Variants in BNIP3L observed in about 807,000 individuals in gnomAD.
BNIP3L encodes the protein BCL2 interacting protein 3 like.
In BNIP3L, 10 loss-of-function variants were observed where a neutral mutation model predicts 25.5. The ratio of observed to expected loss-of-function variants is 0.39; its 90% CI spans 0.24 to 0.67. The LOEUF is 0.67. Ranked by LOEUF, BNIP3L falls within the 30% of genes least tolerant of loss-of-function variation. BNIP3L has a pLI of 0.45. For synonymous variants in BNIP3L, 113 were observed against 101.2 expected, an observed-to-expected ratio of 1.12 and a Z score of -0.70; for missense variants, 215 against 270.9, an observed-to-expected ratio of 0.79 and a Z score of 1.45.
chr8:26,406,716 GGAGGTTGA>G (rs1806506894), intron 3 of BNIP3L, among the ~76,000 whole-genome samples: 1 of 151,898 alleles, frequency 6.6e-6, no homozygotes, highest in Non-Finnish European at 1.5e-5. Flanking sequence ...CAGCTACTTG[GGAGGTTGA>G]GGTGGGAGAA....
chr8:26,390,409 G>A (rs1237022842), intron 1 of BNIP3L: 17 of 985,250 alleles, frequency 1.7e-5, no homozygotes, highest in Non-Finnish European at 1.8e-5. Flanking sequence ...TTTCGTGTTT[G>A]CCTGTAGCTG....
At position 26,395,295 on chromosome 8, in the gene BNIP3L, G is replaced by A; in HGVS notation, c.350G>A (p.Ser117Asn). 6.2e-7 allele frequency: 1 copy of A among 1,613,934 alleles called. No homozygotes were observed. The highest frequency in any genetic ancestry group is 2.2e-5 in the East Asian group (1 of 44,872). ...DVEMHTSRDH[S>N]SQSEEEVVEG... ...GAAATGCACACCAGCAGGGACCATA[G>A]CTCTCAGGTGTGTCGGGGGGATTCT... The change falls in exon 3 of 6, where the codon AGC becomes AAC. Residue 117 changes from serine (S) to asparagine (N), a missense_variant. Transcript: ENST00000380629.
Position 26,408,263 on chromosome 8 carries a change from T to C in BNIP3L, c.498T>C (p.Ser166=), listed in dbSNP as rs1806543706. 6.2e-7 allele frequency: 1 copy of C among 1,614,220 alleles called. No homozygotes were observed. Among genetic ancestry groups the C allele is most frequent in the African/African-American group, 1.3e-5 (1 of 75,066 alleles). ...FHFRHPKRSV[S]LSMRKSGAMK... is the part of the protein sequence containing the mutation. ...TCAGACACCCTAAACGTTCTGTGTC[T>C]TTAAGCATGAGGAAAAGTGGAGCCA... Residue 166 remains serine, a synonymous_variant, in exon 5 of 6, where the codon TCT becomes TCC. Transcript: ENST00000380629.
chr8:26,393,960 G>A (rs1216739217), intron 2 of BNIP3L, among the ~76,000 whole-genome samples: 1 of 152,132 alleles, frequency 6.6e-6, no homozygotes, highest in Admixed American at 6.5e-5. Context: ...TTATTTCTGA[G>A]TCAGTCTCAC....
intron 1 of BNIP3L, among the ~76,000 whole-genome samples, chr8:26,386,359 G>A (rs1805991783): frequency 6.6e-6 from 1 of 152,192 alleles, no homozygotes; most frequent in African/African-American, 2.4e-5. Flanking sequence ...AATCAAAGTA[G>A]TAGTGTAAAT....
intron 5 of BNIP3L, 101 bp downstream of exon 5, chr8:26,408,477 C>A: frequency 3.6e-6 from 5 of 1,370,468 alleles, no homozygotes; most frequent in Non-Finnish European, 4.0e-6. Context: ...GCTTTACTTT[C>A]AATGTTTTAG....
chr8:26,403,432 T>C lies in BNIP3L; in HGVS notation c.358-4568T>C, dbSNP rs116947762. Reference sequence around the variant, plus strand: ...TGTACTTGATCTTATAGAATGTTTTTATATGTGTTTATAAGGACTATATAT... The same window carrying C: ...TGTACTTGATCTTATAGAATGTTTTCATATGTGTTTATAAGGACTATATAT... On this transcript the variant is annotated intron_variant, in intron 3 of 5. Coordinates refer to ENST00000380629, the MANE Select transcript of BNIP3L (RefSeq NM_004331.3). Among the ~76,000 whole-genome samples the C allele has an allele frequency of 8.2e-3, 1,244 of 152,324 alleles. 10 individuals are homozygous for C. The highest frequency in any genetic ancestry group is 0.013 in the Non-Finnish European group (873 of 68,032).
rs1563343989 is a variant in BNIP3L at position 26,408,888 on chromosome 8, A to T, written c.611+512A>T. ...CTCCATCTCGGAAAAAAAAAAAAAA[A>T]AAAGAAGATGTTCATAATAATCCCC... On this transcript the variant is annotated intron_variant, in intron 5 of 5. Transcript: ENST00000380629. 2.2e-5 allele frequency among the ~76,000 whole-genome samples: 3 copies of T among 134,454 alleles called. No individual in the cohort carries two copies. The Admixed American group carries it at 2.3e-4, about 10-fold the overall frequency. 88.2% of individuals were successfully genotyped at this position (134,454 alleles called of 152,430 possible).
intron 3 of BNIP3L, among the ~76,000 whole-genome samples, chr8:26,401,607 TAAAA>T (rs1343657865): frequency 1.3e-5 from 1 of 78,036 alleles, no homozygotes; most frequent in Non-Finnish European, 2.8e-5. Flanking sequence ...AGGTACAAAA[TAAAA>T]AAAAAAAAAA....
chr8:26,390,882 C>T (rs1806092343), intron 1 of BNIP3L, among the ~76,000 whole-genome samples: 1 of 151,928 alleles, frequency 6.6e-6, no homozygotes, highest in South Asian at 2.1e-4. Flanking sequence ...ATATATACAC[C>T]AACTAAAATG....
intron 2 of BNIP3L, 77 bp downstream of exon 2, chr8:26,391,503 T>G: frequency 8.0e-7 from 1 of 1,244,276 alleles, no homozygotes; most frequent in Non-Finnish European, 1.1e-6. Context: ...GAAAAATCTG[T>G]TTGCTTAAAT....
chr8:26,412,580 A>T lies in BNIP3L; in HGVS notation c.*2168A>T, dbSNP rs1806653297. On this transcript the variant is annotated 3_prime_UTR_variant, in exon 6 of 6. Transcript: ENST00000380629. ...ATGGAAAATTACTTAAAACGTGAAT[A>T]CATCATCACAGTAGAATTTATTATG... 1 of 152,608 alleles carries T rather than the reference A, an allele frequency of 6.6e-6. No homozygotes were observed. The highest frequency in any genetic ancestry group is 2.1e-4 in the South Asian group (1 of 4,830). The allele number at this position is 152,608 out of a possible 1,614,324, so 9.5% of individuals were successfully genotyped here. A position where few individuals can be genotyped will look rare whatever the true frequency, so the allele number is the denominator to read the frequency against.
At position 26,391,578 on chromosome 8, in the gene BNIP3L, T is replaced by G. The variant is rs776688718; in HGVS notation, c.284+152T>G. On this transcript the variant is annotated intron_variant, in intron 2 of 5. Transcript: ENST00000380629. ...TAATATATATTGCACAGATATATAT[T>G]GTGTTTATATGAGACAGCTAATTGA... 6 of 572,048 alleles carry G rather than the reference T, an allele frequency of 1.0e-5. No individual in the cohort carries two copies. In the African/African-American group the frequency reaches 1.2e-4, roughly 11 times the overall value. The allele number at this position is 572,048 out of a possible 1,614,324, so 35.4% of individuals were successfully genotyped here.
chr8:26,398,461 C>T (rs1447266135), intron 3 of BNIP3L, among the ~76,000 whole-genome samples: 12 of 97,244 alleles, frequency 1.2e-4, no homozygotes, highest in African/African-American at 4.6e-4. Flanking sequence ...ATCTCTGGGA[C>T]GCATTCAAAG....
At chr8:26,383,799 A>G (rs1297093349) in intron 1 of BNIP3L, among the ~76,000 whole-genome samples, 1 of 152,094 alleles carries the variant, frequency 6.6e-6, no homozygotes, top group African/African-American at 2.4e-5. Flanking sequence ...TTGCTCGTCT[A>G]GGGTTGGCTT....
At chr8:26,407,216 C>T (rs1240643238) in intron 3 of BNIP3L, among the ~76,000 whole-genome samples, 2 of 151,312 alleles carry the variant, frequency 1.3e-5, no homozygotes, top group South Asian at 2.1e-4. Flanking sequence ...GGCGGAGTCT[C>T]GCTCTTTCCC....
chr8:26,389,705 A>G (rs891769416), intron 1 of BNIP3L, among the ~76,000 whole-genome samples: 1 of 152,194 alleles, frequency 6.6e-6, no homozygotes, highest in Non-Finnish European at 1.5e-5. Flanking sequence ...CCCCGGTGTT[A>G]TTATTATCTC....
chr8:26,388,807 C>T (rs1390368860), intron 1 of BNIP3L, among the ~76,000 whole-genome samples: 2 of 143,872 alleles, frequency 1.4e-5, no homozygotes, highest in African/African-American at 2.7e-5. Context: ...CCTGTCTCTA[C>T]TAAATAAATA....
At chr8:26,404,817 T>C (rs1311466975) in intron 3 of BNIP3L, among the ~76,000 whole-genome samples, 1 of 152,220 alleles carries the variant, frequency 6.6e-6, no homozygotes, top group Non-Finnish European at 1.5e-5. Flanking sequence ...CAGAATCTTC[T>C]TTGAATAGAT....
Sources: gnomAD v4.1 joint callset for allele counts (sites outside exome capture counted in the v4.1 genomes callset) on GRCh38, gnomAD v4.1.1 for gene constraint, MANE v1.5 for transcripts, NCBI Gene and HGNC (gene_info 2026-07-23, HGNC 2026-07-21) for gene names.